Variants in DHX37 observed in about 807,000 individuals in gnomAD.
DHX37 encodes the protein DEAH-box helicase 37.
In DHX37, 52 loss-of-function variants were observed where a neutral mutation model predicts 134.3. The ratio of observed to expected loss-of-function variants is 0.39; its 90% CI spans 0.31 to 0.49. The LOEUF is 0.49. Ranked by LOEUF, DHX37 falls within the 20% of genes least tolerant of loss-of-function variation. The pLI, the probability that DHX37 is intolerant of heterozygous loss-of-function variation, is 0.93. For missense variants in DHX37, 1,344 were observed against 1,580.8 expected (o/e 0.85, Z 2.54); for synonymous variants, 634 against 670.7 (o/e 0.95, Z 0.85).
chr12:124,975,543 G>A, intron 5 of DHX37, 32 bp from the exon 6 acceptor site: 1 of 1,604,976 alleles, frequency 6.2e-7, no homozygotes, highest in South Asian at 1.1e-5. Context: ...CATCAACAGT[G>A]CGCGGCCCCA....
intron 9 of DHX37, 47 bp downstream of exon 9, chr12:124,968,820 G>A (rs752244021): frequency 9.9e-6 from 16 of 1,610,568 alleles, no homozygotes; most frequent in South Asian, 5.5e-5. Flanking sequence ...ACACCAGGGC[G>A]TCCTTGTGCC....
At chr12:124,983,490 A>G (rs1194895762) in intron 2 of DHX37, among the ~76,000 whole-genome samples, 1 of 151,914 alleles carries the variant, frequency 6.6e-6, no homozygotes, top group African/African-American at 2.4e-5. Flanking sequence ...ATAGGATTTA[A>G]AAAGGACACA....
chr12:124,966,178 C>G (rs535330424), intron 12 of DHX37, among the ~76,000 whole-genome samples: 1 of 152,346 alleles, frequency 6.6e-6, no homozygotes, highest in African/African-American at 2.4e-5. Context: ...AAGCCCCTGC[C>G]AGCCCAGCCA....
At chr12:124,961,197 C>CTT (rs1428332305) in intron 15 of DHX37, among the ~76,000 whole-genome samples, 17 of 108,794 alleles carry the variant, frequency 1.6e-4, no homozygotes, top group African/African-American at 3.9e-4. Flanking sequence ...CGCACACACA[C>CTT]ACATACACGT....
chr12:124,968,577 C>T lies in DHX37; in HGVS notation c.1365G>A (p.Glu455=), dbSNP rs1220822697. 1 of 1,614,040 alleles carries T rather than the reference C, an allele frequency of 6.2e-7. No individual in the cohort carries two copies. Among genetic ancestry groups the T allele is most frequent in the African/African-American group, 1.3e-5 (1 of 75,070 alleles). ...GGATCTTGCAGACCTTCCGGAAGCA[C>T]TCGCCACTGTAGTCTTCCAGCGGTG... ...KRTPLEDYSG[E]CFRKVCKIHR... is the part of the protein sequence containing the mutation. The change falls in exon 10 of 27, where the codon GAG becomes GAA. Residue 455 remains glutamate, a synonymous_variant. Coordinates refer to ENST00000308736, the MANE Select transcript of DHX37 (RefSeq NM_032656.4).
rs139107992 is a variant in DHX37, at chr12:124,961,379, T to C, written c.2046-956A>G. The stretch of plus-strand genomic sequence containing the variant: ...AGCACACGGATTAGGAGAAAATATT[T>C]GTCAATGACACATTTGATTAGGATC... On this transcript the variant is annotated intron_variant, in intron 15 of 26. Transcript: ENST00000308736. Among the ~76,000 whole-genome samples, 503 of 152,330 alleles carry C rather than the reference T, an allele frequency of 3.3e-3. 5 individuals are homozygous for C. The highest frequency in any genetic ancestry group is 0.012 in the African/African-American group (484 of 41,566).
Position 124,949,125 on chromosome 12 carries a change from C to T in DHX37, c.3290+861G>A, listed in dbSNP as rs1167196032. On this transcript the variant is annotated intron_variant, in intron 25 of 26. Coordinates refer to ENST00000308736, the MANE Select transcript of DHX37 (RefSeq NM_032656.4). This position sits in a 1 kb window ranked among gnomAD's most constrained non-coding sequence, Gnocchi z 4.0. ...ATGTCCTGCTCTGTCCCTCTGGGGC[C>T]GAGCAACGCTGCTGTGGGACAGAGA... Among the ~76,000 whole-genome samples, 2 of 152,184 alleles carry T rather than the reference C, an allele frequency of 1.3e-5. No homozygotes were observed. The highest frequency in any genetic ancestry group is 2.9e-5 in the Non-Finnish European group (2 of 68,030).
rs1953948130 is a variant in DHX37, at chr12:124,950,216, A to G, written c.3149T>C (p.Ile1050Thr). 1.9e-6 allele frequency: 3 copies of G among 1,613,744 alleles called. No homozygotes were observed. The highest frequency in any genetic ancestry group is 1.1e-5 in the South Asian group (1 of 91,088). Residue 1050 changes from isoleucine (I) to threonine (T), a missense_variant, in exon 24 of 27, where the codon ATC becomes ACC. By Grantham distance (89) the Ile-to-Thr change is moderately conservative. Transcript: ENST00000308736. Reference protein sequence around the residue: ...FYRVGWPLPAIEVDFPEGIDR... With the variant: ...FYRVGWPLPATEVDFPEGIDR... ...AATCCCCTCTGGAAAATCCACCTCG[A>G]TGGCGGGGAGCGGCCAGCCCACGCG...
intron 15 of DHX37, among the ~76,000 whole-genome samples, chr12:124,961,273 TGCAC>T (rs200830869): frequency 9.7e-6 from 1 of 102,722 alleles, no homozygotes; most frequent in Non-Finnish European, 2.1e-5. Context: ...CATACACGCG[TGCAC>T]GCACACACAC....
At position 124,972,595 on chromosome 12, in the gene DHX37, C is replaced by T. The variant is rs112262509; in HGVS notation, c.985G>A (p.Val329Ile). The T allele has an allele frequency of 1.2e-4, 199 of 1,614,116 alleles. 1 individual carries two copies. The African/African-American group carries it at 1.7e-3, about 14-fold the overall frequency. Reference protein sequence around the residue: ...AKEMNLSQRVVSYQIRYEGNV... With the variant: ...AKEMNLSQRVISYQIRYEGNV... ...CCTTCATACCGGATCTGGTAGGAGA[C>T]GACCCTGTATGGGCAGAGTTCGGGT... is the stretch of plus-strand genomic sequence containing the variant. Residue 329 changes from valine to isoleucine, a missense_variant, in exon 7 of 27, where the codon GTC (valine) becomes ATC (isoleucine). By Grantham distance (29) the Val-to-Ile change is conservative. Coordinates refer to ENST00000308736, the MANE Select transcript of DHX37 (RefSeq NM_032656.4).
chr12:124,984,147 G>A (rs1954817550), intron 2 of DHX37, among the ~76,000 whole-genome samples: 1 of 152,184 alleles, frequency 6.6e-6, no homozygotes, highest in Non-Finnish European at 1.5e-5. Context: ...GCAGCGGGGG[G>A]CGGCGCGCAA....
rs1179006721 is a variant in DHX37 at position 124,965,653 on chromosome 12, G to C, written c.1735+15C>G. 1.3e-6 allele frequency: 2 copies of C among 1,593,526 alleles called. No homozygotes were observed. The highest frequency in any genetic ancestry group is 1.7e-6 in the Non-Finnish European group (2 of 1,168,122). ...AGATAATGAACATGAGCAGGAATCGGTGCTCGGGCCACACCTCCATCTTGC... is the reference window on the plus strand; with the variant it reads ...AGATAATGAACATGAGCAGGAATCGCTGCTCGGGCCACACCTCCATCTTGC... On this transcript the variant is annotated intron_variant, in intron 13 of 26. Transcript: ENST00000308736.
Position 124,967,356 on chromosome 12 carries a change from G to A in DHX37, c.1409-138C>T, listed in dbSNP as rs766480988. Reference sequence around the variant, plus strand: ...AGGACAGGAGTACACAGACATAGATGAGCAGGGGGCAGCACGCCCAGACTG... The same window carrying A: ...AGGACAGGAGTACACAGACATAGATAAGCAGGGGGCAGCACGCCCAGACTG... On this transcript the variant is annotated intron_variant, in intron 10 of 26. Transcript: ENST00000308736. 1.2e-3 allele frequency: 1,063 copies of A among 922,320 alleles called. 2 individuals carry two copies. The highest frequency in any genetic ancestry group is 1.5e-3 in the Non-Finnish European group (933 of 618,778). The allele number at this position is 922,320 out of a possible 1,614,324, so 57.1% of individuals were successfully genotyped here.
rs1279099556 is a variant in DHX37, at chr12:124,950,015, G to A, written c.3261C>T (p.Ser1087=). ...LASYRSCLLS[S]PGTMLKTWAR... ...CCCACGTCTTCAGCATGGTGCCGGG[G>A]CTGGACAGCAGACAGCTCCGGTATG... Residue 1087 remains serine (S), a synonymous_variant, in exon 25 of 27, where the codon AGC becomes AGT. Transcript: ENST00000308736. 1 of 1,612,842 alleles carries A rather than the reference G, an allele frequency of 6.2e-7. No individual in the cohort carries two copies. Among genetic ancestry groups the A allele is most frequent in the Admixed American group, 1.7e-5 (1 of 59,902 alleles).
In DHX37 at chr12:124,960,440, C is replaced by T. The variant is rs1160338144; in HGVS notation, c.2046-17G>A. 3.1e-6 allele frequency: 5 copies of T among 1,604,202 alleles called. No individual in the cohort carries two copies. Among genetic ancestry groups the T allele is most frequent in the African/African-American group, 2.7e-5 (2 of 74,678 alleles). On this transcript the variant is annotated splice_polypyrimidine_tract_variant and intron_variant, in intron 15 of 26. Transcript: ENST00000308736. ...GAATACAGCCTGGATGGAGAGAAACCGGGACAACAAACACAAAACTCACAC... is the reference window on the plus strand; with the variant it reads ...GAATACAGCCTGGATGGAGAGAAACTGGGACAACAAACACAAAACTCACAC...
chr12:124,953,650 C>G (rs1954019773), intron 20 of DHX37: 2 of 699,028 alleles, frequency 2.9e-6, no homozygotes, highest in African/African-American at 3.6e-5. Flanking sequence ...CGAGCGACGA[C>G]CTGGTGGGGG....
intron 5 of DHX37, among the ~76,000 whole-genome samples, chr12:124,975,892 C>T (rs890962544): frequency 2.6e-5 from 4 of 152,180 alleles, no homozygotes; most frequent in Non-Finnish European, 2.9e-5. Flanking sequence ...TGCTCTCCCT[C>T]GAAAGGCTGC....
At position 124,949,087 on chromosome 12, in the gene DHX37, C is replaced by T. The variant is rs969106681; in HGVS notation, c.3290+899G>A. Among the ~76,000 whole-genome samples, 7 of 152,264 alleles carry T rather than the reference C, an allele frequency of 4.6e-5. No individual in the cohort carries two copies. Among genetic ancestry groups the T allele is most frequent in the South Asian group, 4.2e-4 (2 of 4,816 alleles). ...CAGTCGCACTCCACCCCCTGCCCAC[C>T]GAGGCCTCACTCATGTCCTGCTCTG... On this transcript the variant is annotated intron_variant, in intron 25 of 26. Transcript: ENST00000308736. The surrounding 1 kb of genome is among the most constrained non-coding windows in gnomAD (Gnocchi z 4.0).
rs374857087 is a variant in DHX37 at position 124,947,817 on chromosome 12, G to C, written c.3459C>G (p.Pro1153=). The change falls in exon 27 of 27, where the codon CCC becomes CCG. Residue 1153 remains proline (P), a synonymous_variant. Coordinates refer to ENST00000308736, the MANE Select transcript of DHX37 (RefSeq NM_032656.4). ...AGGTTTCTGGTCAGTGGACAGTGGT[G>C]GGGGGCCAGGCTTTCTCGATATCGG... ...MHPDIEKAWP[P]TTVH 49 of 1,590,116 alleles carry C rather than the reference G, an allele frequency of 3.1e-5. No homozygotes were observed. The highest frequency in any genetic ancestry group is 2.2e-5 in the East Asian group (1 of 44,712).
Sources: gnomAD v4.1 joint callset for allele counts (sites outside exome capture counted in the v4.1 genomes callset) on GRCh38, gnomAD v4.1.1 for gene constraint, Gnocchi (gnomAD v3.1) non-coding constraint, MANE v1.5 for transcripts, NCBI Gene and HGNC (gene_info 2026-07-23, HGNC 2026-07-21) for gene names.